LSAMP: variants seen among roughly 807,000 people sequenced by gnomAD.
The protein encoded by LSAMP is limbic system associated membrane protein, also known as limbic system-associated membrane protein.
In LSAMP, 7 loss-of-function variants were observed where a neutral mutation model predicts 38.6. The observed-to-expected ratio is 0.18, with a 90% confidence interval of 0.10 to 0.34. The LOEUF (loss-of-function observed/expected upper bound fraction) is 0.34, where lower values mean the gene tolerates loss of function less well. LSAMP is among the 10% of genes least tolerant of loss of function. The pLI is 1.00. For missense variants in LSAMP, 313 were observed against 420.0 expected, an observed-to-expected ratio of 0.75 and a Z score of 2.23; for synonymous variants, 154 against 166.8, an observed-to-expected ratio of 0.92 and a Z score of 0.59.
intron 2 of LSAMP, among the ~76,000 whole-genome samples, chr3:116,080,460 C>T (rs1005095544): frequency 4.6e-5 from 7 of 152,128 alleles, no homozygotes; most frequent in African/African-American, 1.7e-4. Flanking sequence ...AAAAGATGGA[C>T]TACAGGTATA....
At chr3:115,854,396 C>T (rs923585063) in intron 3 of LSAMP, among the ~76,000 whole-genome samples, 1 of 150,182 alleles carries the variant, frequency 6.7e-6, no homozygotes, top group African/African-American at 2.4e-5. Flanking sequence ...CATTCTCCTG[C>T]CTCAGCCTCC....
chr3:116,148,604 C>T (rs1709540671), intron 1 of LSAMP, among the ~76,000 whole-genome samples: 1 of 151,960 alleles, frequency 6.6e-6, no homozygotes, highest in South Asian at 2.1e-4. Context: ...GTTTCTAGTC[C>T]TGTGGGAAAT....
At chr3:116,090,052 G>A (rs28415674) in intron 1 of LSAMP, among the ~76,000 whole-genome samples, 39,752 of 150,636 alleles carry the variant, frequency 0.26, 7,272 homozygotes, top group African/African-American at 0.53. Context: ...AAGTACACAT[G>A]AAAAAAAATG....
chr3:116,054,396 T>A (rs1306482011), intron 2 of LSAMP, among the ~76,000 whole-genome samples: 1 of 152,044 alleles, frequency 6.6e-6, no homozygotes, highest in Non-Finnish European at 1.5e-5. Flanking sequence ...GGATAAGGAG[T>A]AAACATCTCC....
At chr3:115,999,692 A>G (rs1470684469) in intron 3 of LSAMP, among the ~76,000 whole-genome samples, 2 of 152,150 alleles carry the variant, frequency 1.3e-5, no homozygotes, top group Admixed American at 6.6e-5. Flanking sequence ...GGTTTTTTCC[A>G]TTACCTGGAA....
chr3:116,002,679 T>C (rs1242840551), intron 3 of LSAMP, among the ~76,000 whole-genome samples: 1 of 152,136 alleles, frequency 6.6e-6, no homozygotes, highest in Admixed American at 6.6e-5. Context: ...AGAAAGTACA[T>C]GCAAATGGAA....
intron 1 of LSAMP, among the ~76,000 whole-genome samples, chr3:116,141,279 A>T (rs1285018730): frequency 6.6e-6 from 1 of 151,936 alleles, no homozygotes; most frequent in Admixed American, 6.6e-5. Context: ...TACATCTGTG[A>T]TCTACTGCCT....
At chr3:116,008,743 A>T (rs1362799973) in intron 3 of LSAMP, among the ~76,000 whole-genome samples, 3 of 150,800 alleles carry the variant, frequency 2.0e-5, no homozygotes, top group Non-Finnish European at 4.4e-5. Flanking sequence ...GGAGGTGGGG[A>T]TGAACTTTAG....
chr3:115,947,080 G>A (rs935416219), intron 3 of LSAMP, among the ~76,000 whole-genome samples: 2 of 151,934 alleles, frequency 1.3e-5, no homozygotes, highest in Admixed American at 6.6e-5. Context: ...GCAAAATAAG[G>A]ATTTATTAAA....
At chr3:116,336,920 T>C (rs1356936308) in intron 1 of LSAMP, among the ~76,000 whole-genome samples, 1 of 151,534 alleles carries the variant, frequency 6.6e-6, no homozygotes, top group African/African-American at 2.4e-5. Context: ...GATGGATAAG[T>C]CTAATATATA....
At chr3:116,114,903 T>G (rs1708708759) in intron 1 of LSAMP, among the ~76,000 whole-genome samples, 1 of 152,220 alleles carries the variant, frequency 6.6e-6, no homozygotes, top group African/African-American at 2.4e-5. Flanking sequence ...TTTCCATTTA[T>G]TTTATGCCAC....
rs73140472 is a variant in LSAMP at position 115,813,974 on chromosome 3, A to T, written c.920-3560T>A. Among the ~76,000 whole-genome samples, 616 of 152,362 alleles carry T rather than the reference A, an allele frequency of 4.0e-3. 5 individuals carry two copies. The highest frequency in any genetic ancestry group is 6.4e-3 in the Non-Finnish European group (436 of 68,032). ...GATGGGCAAATAGAACCACAATTCA[A>T]ATTTTGCTATGTCTTTTTCATATAA... is the stretch of plus-strand genomic sequence containing the variant. On this transcript the variant is annotated intron_variant, in intron 6 of 6. Coordinates refer to ENST00000490035, the MANE Select transcript of LSAMP (RefSeq NM_002338.5).
intron 2 of LSAMP, among the ~76,000 whole-genome samples, chr3:116,071,057 AAAT>A (rs1707592464): frequency 1.1e-5 from 1 of 87,842 alleles, no homozygotes; most frequent in Non-Finnish European, 2.5e-5. Flanking sequence ...AATAAATAAT[AAAT>A]AAATAAATAA....
intron 2 of LSAMP, among the ~76,000 whole-genome samples, chr3:116,081,431 C>T (rs964431753): frequency 6.0e-5 from 9 of 150,202 alleles, no homozygotes; most frequent in Non-Finnish European, 1.2e-4. Flanking sequence ...TCCAGCCTGG[C>T]GACAGAGCAA....
intron 1 of LSAMP, among the ~76,000 whole-genome samples, chr3:116,221,178 G>A (rs2046280805): frequency 9.9e-6 from 1 of 101,108 alleles, no homozygotes; most frequent in African/African-American, 3.4e-5. Flanking sequence ...AAAGGAAAGG[G>A]GCAGCAATAT....
intron 1 of LSAMP, among the ~76,000 whole-genome samples, chr3:116,416,132 G>A (rs2049046935): frequency 6.6e-6 from 1 of 152,102 alleles, no homozygotes; most frequent in African/African-American, 2.4e-5. Flanking sequence ...ATGGGAAATG[G>A]TTCCGGGCCA....
At chr3:116,167,037 C>A (rs918097669) in intron 1 of LSAMP, among the ~76,000 whole-genome samples, 1 of 152,022 alleles carries the variant, frequency 6.6e-6, no homozygotes, top group East Asian at 1.9e-4. Context: ...GTGATCCGCC[C>A]GCCTTGGCCT....
chr3:116,095,684 T>G (rs1378502309), intron 1 of LSAMP, among the ~76,000 whole-genome samples: 1 of 152,210 alleles, frequency 6.6e-6, no homozygotes, highest in Non-Finnish European at 1.5e-5. Flanking sequence ...AACCGATTTC[T>G]ATCCCAGTCA....
intron 1 of LSAMP, among the ~76,000 whole-genome samples, chr3:116,259,009 C>T (rs1307619759): frequency 6.6e-6 from 1 of 152,130 alleles, no homozygotes; most frequent in Non-Finnish European, 1.5e-5. Flanking sequence ...AATCTGTAGA[C>T]ATTAGGATTT....
Sources: allele counts gnomAD v4.1 joint callset (sites outside exome capture counted in the v4.1 genomes callset), GRCh38; gene constraint gnomAD v4.1.1; transcripts MANE v1.5; gene names NCBI Gene and HGNC (gene_info 2026-07-23, HGNC 2026-07-21).